The following IGFL4 variants were observed in gnomAD, a reference collection of about 807,000 sequenced individuals.
IGFL4 encodes the protein IGF like family member 4.
IGFL4 carries 12 observed loss-of-function variants against 15.4 expected under a neutral mutation model. The ratio of observed to expected loss-of-function variants is 0.78; its 90% CI spans 0.50 to 1.26. The LOEUF (loss-of-function observed/expected upper bound fraction) is 1.26, where lower values mean the gene tolerates loss of function less well. Among genes scored for constraint, IGFL4 ranks in the 50% most tolerant of loss-of-function variants. The pLI is 0.00. For missense variants in IGFL4, 126 were observed against 147.8 expected (o/e 0.85, Z 0.76); for synonymous variants, 54 against 55.9 (o/e 0.97, Z 0.16).
chr19:46,045,928 C>G (rs1051474532), upstream of IGFL4, among the ~76,000 whole-genome samples: 1 of 152,140 alleles, frequency 6.6e-6, no homozygotes, highest in Non-Finnish European at 1.5e-5. Context: ...CAGTGAGATA[C>G]TCCATAAGAA....
chr19:46,060,727 T>C (rs916542318), intron 1 of IGFL4, among the ~76,000 whole-genome samples: 8 of 152,186 alleles, frequency 5.3e-5, no homozygotes, highest in African/African-American at 1.9e-4. Context: ...TTTCTCATGA[T>C]TTGGGAACAC....
intron 2 of IGFL4, among the ~76,000 whole-genome samples, chr19:46,056,864 G>A (rs904711234): frequency 2.6e-5 from 4 of 152,164 alleles, no homozygotes; most frequent in Non-Finnish European, 5.9e-5. Flanking sequence ...GGATCTCACC[G>A]AAGGAGGACA....
Position 46,054,665 on chromosome 19 carries a change from C to T in IGFL4, c.-323+5520G>A, listed in dbSNP as rs756667370. ...GCCATTTTTTTTCATATGATGCCCA[C>T]ACCAAAGAATAAACAAAGACATAAA... is the stretch of plus-strand genomic sequence containing the variant. On this transcript the variant is annotated intron_variant, in intron 2 of 5. Coordinates refer to the IGFL4 transcript ENST00000601672. 2.4e-4 allele frequency among the ~76,000 whole-genome samples: 37 copies of T among 152,094 alleles called. No individual in the cohort carries two copies. The Middle Eastern group carries it at 0.01, about 42-fold the overall frequency.
intron 1 of IGFL4, among the ~76,000 whole-genome samples, chr19:46,060,840 C>T (rs150139847): frequency 2.6e-5 from 4 of 152,128 alleles, no homozygotes; most frequent in Non-Finnish European, 4.4e-5. Flanking sequence ...AAGCCAAATG[C>T]CACCTTTGCA....
intron 1 of IGFL4, among the ~76,000 whole-genome samples, chr19:46,068,706 C>T (rs1969517786): frequency 6.6e-6 from 1 of 152,136 alleles, no homozygotes. Context: ...TCTGAGGAAC[C>T]GCCGGGAAAG....
intron 1 of IGFL4, among the ~76,000 whole-genome samples, chr19:46,067,256 A>T (rs1477778614): frequency 6.6e-6 from 1 of 152,032 alleles, no homozygotes; most frequent in Non-Finnish European, 1.5e-5. Context: ...TAACACTACT[A>T]TCTGGACATC....
chr19:46,049,641 T>C (rs1969327214), intron 2 of IGFL4, among the ~76,000 whole-genome samples: 1 of 152,076 alleles, frequency 6.6e-6, no homozygotes, highest in Non-Finnish European at 1.5e-5. Flanking sequence ...GATTCTGAGC[T>C]CAGACATGCC....
intron 2 of IGFL4, among the ~76,000 whole-genome samples, chr19:46,050,177 G>A (rs1969332653): frequency 6.6e-6 from 1 of 152,194 alleles, no homozygotes; most frequent in African/African-American, 2.4e-5. Context: ...CAGCCCTTCA[G>A]CCTCAGATCT....
chr19:46,048,264 G>A lies in IGFL4; in HGVS notation c.-322-7154C>T, dbSNP rs376482335. ...TCAATAAACTAAGTATTGAAGGACCGTACCTCAAAATAATAGAAGCCATAT... is the reference window on the plus strand; with the variant it reads ...TCAATAAACTAAGTATTGAAGGACCATACCTCAAAATAATAGAAGCCATAT... On this transcript the variant is annotated intron_variant, in intron 2 of 5. Transcript: ENST00000601672. Among the ~76,000 whole-genome samples the A allele has an allele frequency of 1.1e-4, 17 of 152,158 alleles. No individual in the cohort carries two copies. The East Asian group carries it at 1.5e-3, about 14-fold the overall frequency.
At position 46,075,081 on chromosome 19, in the gene IGFL4, A is replaced by G. The variant is rs1052167052; in HGVS notation, c.-432+1939T>C. On this transcript the variant is annotated intron_variant, in intron 1 of 5. Coordinates refer to the IGFL4 transcript ENST00000601672. ...ACCACTTAGAGTTTTCAATAGTTTA[A>G]AGAATAATTTATTTTTAGAACAGCA... Among the ~76,000 whole-genome samples the G allele has an allele frequency of 9.0e-5, 5 of 55,266 alleles. No individual in the cohort carries two copies. In the South Asian group the frequency reaches 2.2e-3, roughly 24 times the overall value. 36.3% of individuals were successfully genotyped at this position (55,266 alleles called of 152,430 possible). A position where few individuals can be genotyped will look rare whatever the true frequency, so the allele number is the denominator to read the frequency against.
intron 1 of IGFL4, among the ~76,000 whole-genome samples, chr19:46,068,862 A>G (rs557882781): frequency 6.6e-6 from 1 of 152,346 alleles, no homozygotes; most frequent in African/African-American, 2.4e-5. Context: ...CAAAAGACAC[A>G]TTCACTCTGA....
intron 2 of IGFL4, among the ~76,000 whole-genome samples, chr19:46,054,707 T>C (rs1435339310): frequency 6.6e-6 from 1 of 152,134 alleles, no homozygotes; most frequent in Non-Finnish European, 1.5e-5. Context: ...AAGGACCTAA[T>C]ACCTAAAAAA....
At chr19:46,076,788 T>C (rs970497715) in intron 1 of IGFL4, among the ~76,000 whole-genome samples, 1 of 151,986 alleles carries the variant, frequency 6.6e-6, no homozygotes, top group Admixed American at 6.6e-5. Context: ...AACAAAACTC[T>C]TGATTTAAAG....
intron 2 of IGFL4, chr19:46,059,580 C>T (rs895192489): frequency 6.6e-6 from 1 of 152,106 alleles, no homozygotes; most frequent in African/African-American, 2.4e-5. Flanking sequence ...GAAGAAAACC[C>T]TCAAAAACAA....
At chr19:46,045,948 C>G (rs181583750), upstream of IGFL4, among the ~76,000 whole-genome samples, 69 of 152,104 alleles carry the variant, frequency 4.5e-4, no homozygotes, top group African/African-American at 1.6e-3. Context: ...AGATTTACCC[C>G]AAGACATATA....
At chr19:46,050,028 T>C (rs1214602161) in intron 2 of IGFL4, among the ~76,000 whole-genome samples, 1 of 152,188 alleles carries the variant, frequency 6.6e-6, no homozygotes, top group Admixed American at 6.5e-5. Context: ...CCTGGAGTCC[T>C]GTAGCTCCAC....
At chr19:46,060,238 A>C (rs1969432052) in exon 2 of IGFL4, 2 of 152,358 alleles carry the variant, frequency 1.3e-5, no homozygotes, top group East Asian at 1.9e-4. Flanking sequence ...ATATGCTCCA[A>C]ATTTTGTTCA....
At position 46,040,014 on chromosome 19, in the gene IGFL4, G is replaced by A. The variant is rs1326303322; in HGVS notation, c.331-78C>T. The A allele has an allele frequency of 5.3e-6, 8 of 1,506,378 alleles. No individual in the cohort carries two copies. The highest frequency in any genetic ancestry group is 1.7e-4 in the Middle Eastern group (1 of 5,740). The allele number at this position is 1,506,378 out of a possible 1,614,324, so 93.3% of individuals were successfully genotyped here. On this transcript the variant is annotated intron_variant, in intron 3 of 3. Transcript: ENST00000377697. The surrounding 1 kb of genome is among the most constrained non-coding windows in gnomAD (Gnocchi z 4.1). ...AGTGGCGGGGAAGGAACAGAGACAT[G>A]GAGAAAGACAGAGTTGCATGGTTAC...
chr19:46,065,443 G>T (rs1457079119), intron 1 of IGFL4, among the ~76,000 whole-genome samples: 1 of 152,206 alleles, frequency 6.6e-6, no homozygotes, highest in Non-Finnish European at 1.5e-5. Context: ...CAAGTAGCTG[G>T]AAATACAGGT....
Sources: gnomAD v4.1 joint callset for allele counts (sites outside exome capture counted in the v4.1 genomes callset) on GRCh38, gnomAD v4.1.1 for gene constraint, Gnocchi (gnomAD v3.1) non-coding constraint, MANE v1.5 for transcripts, NCBI Gene and HGNC (gene_info 2026-07-23, HGNC 2026-07-21) for gene names.